The following RORA variants were observed in gnomAD, a reference collection of about 807,000 sequenced individuals.
RORA encodes the protein RAR related orphan receptor A, also known as nuclear receptor ROR-alpha.
In RORA, 7 loss-of-function variants were observed where a neutral mutation model predicts 69.5. The observed-to-expected ratio is 0.10, with a 90% CI of 0.06 to 0.19. The LOEUF is 0.19. Ranked by LOEUF, RORA falls within the 10% of genes least tolerant of loss-of-function variation. The probability of loss-of-function intolerance (pLI) is 1.00; values close to 1 mark genes in which losing one functional copy is unlikely to be tolerated. For synonymous variants in RORA, 261 were observed against 240.8 expected (o/e 1.08, Z -0.78); for missense variants, 457 against 663.0 (o/e 0.69, Z 3.41).
At chr15:60,697,440 A>G (rs1046268153) in intron 1 of RORA, among the ~76,000 whole-genome samples, 2 of 152,214 alleles carry the variant, frequency 1.3e-5, no homozygotes, top group African/African-American at 4.8e-5. Flanking sequence ...AAAACCCTAA[A>G]CACAACCTTT....
rs891898387 is a variant in RORA, at chr15:60,505,747, T to C, written c.821-118A>G. On this transcript the variant is annotated intron_variant, in intron 5 of 10. Transcript: ENST00000335670. Reference sequence around the variant, plus strand: ...AACAATGTGCTGTGCGAGTTTTGACTGTCTTTACACATTTAAACAAGTAAT... The same window carrying C: ...AACAATGTGCTGTGCGAGTTTTGACCGTCTTTACACATTTAAACAAGTAAT... The C allele has an allele frequency of 9.4e-6, 11 of 1,169,966 alleles. No individual in the cohort carries two copies. In the East Asian group the frequency reaches 9.8e-5, roughly 10 times the overall value. 72.5% of individuals were successfully genotyped at this position (1,169,966 alleles called of 1,614,324 possible).
At chr15:61,220,885 A>G (rs995959482) in intron 1 of RORA, among the ~76,000 whole-genome samples, 1 of 152,144 alleles carries the variant, frequency 6.6e-6, no homozygotes, top group Non-Finnish European at 1.5e-5. Context: ...CTTTGCACAG[A>G]AGTCTCTTTT....
At chr15:61,161,331 G>T (rs1355220199) in intron 1 of RORA, among the ~76,000 whole-genome samples, 1 of 152,154 alleles carries the variant, frequency 6.6e-6, no homozygotes, top group African/African-American at 2.4e-5. Context: ...TTTTATTTAG[G>T]CAGTATGATA....
At chr15:60,884,260 T>C (rs946837950) in intron 1 of RORA, among the ~76,000 whole-genome samples, 1 of 151,868 alleles carries the variant, frequency 6.6e-6, no homozygotes, top group Non-Finnish European at 1.5e-5. Flanking sequence ...CATGAGAGGC[T>C]AGCTTCTGGA....
chr15:60,592,273 C>A (rs1032048568), intron 2 of RORA: 4 of 720,942 alleles, frequency 5.5e-6, no homozygotes, highest in Non-Finnish European at 7.6e-6. Flanking sequence ...CCGCGCCGAG[C>A]CCCGGGCAGT....
At chr15:60,920,703 A>G (rs745470433) in intron 1 of RORA, among the ~76,000 whole-genome samples, 1 of 152,236 alleles carries the variant, frequency 6.6e-6, no homozygotes, top group Non-Finnish European at 1.5e-5. Context: ...GACCATTGCT[A>G]TAATATTGAC....
intron 10 of RORA, among the ~76,000 whole-genome samples, chr15:60,499,359 C>T: frequency 6.6e-6 from 1 of 152,162 alleles, no homozygotes; most frequent in Middle Eastern, 3.4e-3. Flanking sequence ...TAGCAAGATA[C>T]CCATCTCTAC....
chr15:60,870,945 TCA>T (rs1214392882), intron 1 of RORA, among the ~76,000 whole-genome samples: 6 of 152,230 alleles, frequency 3.9e-5, no homozygotes, highest in African/African-American at 1.4e-4. Context: ...CTTAACTCTC[TCA>T]GTTACTCTAC....
chr15:60,787,806 T>C (rs1433504126), intron 1 of RORA, among the ~76,000 whole-genome samples: 1 of 152,204 alleles, frequency 6.6e-6, no homozygotes, highest in African/African-American at 2.4e-5. Context: ...CTAGGAAACC[T>C]TCCCCAAACA....
intron 1 of RORA, among the ~76,000 whole-genome samples, chr15:60,994,415 A>T (rs1257116595): frequency 2.0e-5 from 3 of 152,244 alleles, no homozygotes; most frequent in African/African-American, 7.2e-5. Context: ...TTGTTTGTGT[A>T]AATAACCAGA....
chr15:60,969,288 A>G (rs1893642296), intron 1 of RORA, among the ~76,000 whole-genome samples: 1 of 152,220 alleles, frequency 6.6e-6, no homozygotes, highest in Non-Finnish European at 1.5e-5. Context: ...CTATCAATTC[A>G]TTAGGTAATA....
intron 1 of RORA, among the ~76,000 whole-genome samples, chr15:61,207,636 C>T (rs1019823169): frequency 4.6e-5 from 7 of 152,218 alleles, no homozygotes; most frequent in Non-Finnish European, 5.9e-5. Context: ...TGGCAGTCTT[C>T]GTGATTCCGA....
chr15:61,057,806 C>T (rs1450837121), intron 1 of RORA, among the ~76,000 whole-genome samples: 1 of 152,166 alleles, frequency 6.6e-6, no homozygotes, highest in Non-Finnish European at 1.5e-5. Flanking sequence ...AATGATAAAT[C>T]TAAGTAGATG....
intron 1 of RORA, among the ~76,000 whole-genome samples, chr15:60,891,716 G>A (rs539810727): frequency 2.6e-5 from 4 of 152,296 alleles, no homozygotes; most frequent in Non-Finnish European, 2.9e-5. Context: ...TTCTGCACGT[G>A]ACTCCTTTAC....
At chr15:60,836,845 C>A (rs2073123167) in intron 1 of RORA, among the ~76,000 whole-genome samples, 1 of 152,130 alleles carries the variant, frequency 6.6e-6, no homozygotes, top group Non-Finnish European at 1.5e-5. Flanking sequence ...TCTGCCCTCC[C>A]ACCTTTACTC....
At chr15:60,853,690 G>T (rs374781671) in intron 1 of RORA, among the ~76,000 whole-genome samples, 2 of 152,160 alleles carry the variant, frequency 1.3e-5, no homozygotes, top group African/African-American at 4.8e-5. Context: ...AATCATTGTG[G>T]CCCAGCAAGG....
At chr15:60,518,920 C>T (rs149873186) in intron 3 of RORA, among the ~76,000 whole-genome samples, 81 of 152,236 alleles carry the variant, frequency 5.3e-4, no homozygotes, top group African/African-American at 1.9e-3. Context: ...CAGTTACTTG[C>T]GTCAACTGCA....
chr15:60,976,146 A>G (rs1893866121), intron 1 of RORA, among the ~76,000 whole-genome samples: 1 of 152,184 alleles, frequency 6.6e-6, no homozygotes, highest in Admixed American at 6.5e-5. Context: ...GAGATTGCTG[A>G]GCCGTGGCTC....
chr15:60,710,038 T>C (rs559153896), intron 1 of RORA, among the ~76,000 whole-genome samples: 18 of 152,272 alleles, frequency 1.2e-4, no homozygotes, highest in East Asian at 9.7e-4. Context: ...GTGTCTGGTC[T>C]GTCAGGAGTT....
Sources: gnomAD v4.1 joint callset for allele counts (sites outside exome capture counted in the v4.1 genomes callset) on GRCh38, gnomAD v4.1.1 for gene constraint, MANE v1.5 for transcripts, NCBI Gene and HGNC (gene_info 2026-07-23, HGNC 2026-07-21) for gene names.